Variants in ACSL6 observed in about 807,000 individuals in gnomAD.
ACSL6 encodes the protein long-chain-fatty-acid--CoA ligase 6.
Under a neutral mutation model 98.2 loss-of-function variants are expected in ACSL6, and 47 were observed. The ratio of observed to expected loss-of-function variants is 0.48; its 90% CI spans 0.38 to 0.61. ACSL6 has a LOEUF of 0.61. Among genes scored for constraint, ACSL6 ranks in the 20% least tolerant of loss-of-function variants. ACSL6 has a pLI of 0.00. For missense variants in ACSL6, 761 were observed against 913.4 expected, an observed-to-expected ratio of 0.83 and a Z score of 2.15; for synonymous variants, 362 against 336.9, an observed-to-expected ratio of 1.07 and a Z score of -0.82.
At chr5:131,975,578 C>T (rs1580653275) in intron 10 of ACSL6, 1 of 983,158 alleles carries the variant, frequency 1.0e-6, no homozygotes, top group Non-Finnish European at 1.2e-6. Flanking sequence ...ACCCCAAACA[C>T]TGGCTGAGCC....
chr5:131,986,423 A>C (rs1417566444), intron 8 of ACSL6, among the ~76,000 whole-genome samples: 1 of 152,256 alleles, frequency 6.6e-6, no homozygotes, highest in Admixed American at 6.5e-5. Context: ...AACAGTTCAC[A>C]AAGCAAAGAT....
chr5:131,967,472 T>C (rs1753073752), intron 16 of ACSL6, among the ~76,000 whole-genome samples: 2 of 150,542 alleles, frequency 1.3e-5, no homozygotes, highest in East Asian at 1.9e-4. Context: ...GACCATCCTG[T>C]CTAACACGGT....
At position 131,951,921 on chromosome 5, in the gene ACSL6, T is replaced by G. The variant is rs1752184180; in HGVS notation, c.*2313A>C. 5.8e-6 allele frequency: 1 copy of G among 171,468 alleles called. No individual in the cohort carries two copies. Among genetic ancestry groups the G allele is most frequent in the Admixed American group, 6.4e-5 (1 of 15,688 alleles). The allele number at this position is 171,468 out of a possible 1,614,324, so 10.6% of individuals were successfully genotyped here. A position where few individuals can be genotyped will look rare whatever the true frequency, so the allele number is the denominator to read the frequency against. ...AAATATTAAGTTGTCCATAATCTGTTATATCTAACTATTATAAAGTATAAA... is the reference window on the plus strand; with the variant it reads ...AAATATTAAGTTGTCCATAATCTGTGATATCTAACTATTATAAAGTATAAA... On this transcript the variant is annotated 3_prime_UTR_variant, in exon 21 of 21. Coordinates refer to ENST00000651883, the MANE Select transcript of ACSL6 (RefSeq NM_001009185.3).
intron 11 of ACSL6, among the ~76,000 whole-genome samples, chr5:131,974,249 A>G (rs1753485592): frequency 1.3e-5 from 2 of 152,104 alleles, no homozygotes; most frequent in Non-Finnish European, 2.9e-5. Flanking sequence ...CTCCATAATC[A>G]CATATGGATT....
At chr5:131,992,224 C>T (rs1013198994) in intron 2 of ACSL6, among the ~76,000 whole-genome samples, 4 of 152,136 alleles carry the variant, frequency 2.6e-5, no homozygotes, top group African/African-American at 9.7e-5. Context: ...AGCTCCAGAT[C>T]GCAATGGTTG....
Position 131,986,956 on chromosome 5 carries a change from T to TACACAC in ACSL6, c.832-108_832-103dup, listed in dbSNP as rs1420496974. On this transcript the variant is annotated intron_variant, in intron 7 of 20. Coordinates refer to ENST00000651883, the MANE Select transcript of ACSL6 (RefSeq NM_001009185.3). ...TTTCTCTCACACACGCACATACACA[T>TACACAC]ACACACACACACATACCCACACACT... 3.5e-5 allele frequency: 37 copies of TACACAC among 1,066,590 alleles called. No individual in the cohort carries two copies. The African/African-American group carries it at 5.2e-4, about 15-fold the overall frequency. The allele number at this position is 1,066,590 out of a possible 1,614,324, so 66.1% of individuals were successfully genotyped here.
intron 7 of ACSL6, 96 bp from the exon 8 acceptor site, chr5:131,986,950 TACACATAC>T: frequency 8.3e-7 from 1 of 1,205,322 alleles, no homozygotes; most frequent in Non-Finnish European, 1.2e-6. Context: ...CACACGCACA[TACACATAC>T]ACACACACAC....
chr5:132,002,626 G>T (rs1396813123), intron 1 of ACSL6, among the ~76,000 whole-genome samples: 1 of 152,196 alleles, frequency 6.6e-6, no homozygotes, highest in African/African-American at 2.4e-5. Context: ...GACAGAACCT[G>T]AGACATCCTT....
At chr5:131,959,323 T>C (rs143007481) in intron 20 of ACSL6, among the ~76,000 whole-genome samples, 44 of 152,362 alleles carry the variant, frequency 2.9e-4, no homozygotes, top group Non-Finnish European at 6.0e-4. Flanking sequence ...TGAAAGTTTG[T>C]AATTATAAGG....
chr5:131,967,271 C>T (rs1753059327), intron 16 of ACSL6, among the ~76,000 whole-genome samples: 1 of 152,028 alleles, frequency 6.6e-6, no homozygotes, highest in Non-Finnish European at 1.5e-5. Context: ...TGCTTGAGCC[C>T]AGGAGTTCGA....
At chr5:132,005,597 A>T (rs1755360888) in intron 1 of ACSL6, among the ~76,000 whole-genome samples, 1 of 152,174 alleles carries the variant, frequency 6.6e-6, no homozygotes, top group Non-Finnish European at 1.5e-5. Context: ...TCTCCCAGTG[A>T]CATTTCTGCC....
intron 15 of ACSL6, among the ~76,000 whole-genome samples, chr5:131,968,390 G>C (rs745806978): frequency 6.6e-6 from 1 of 152,206 alleles, no homozygotes; most frequent in Non-Finnish European, 1.5e-5. Flanking sequence ...CCCATTGTCA[G>C]ATCACACGTC....
intron 2 of ACSL6, among the ~76,000 whole-genome samples, chr5:131,991,431 T>C (rs1448446617): frequency 6.6e-6 from 1 of 152,190 alleles, no homozygotes; most frequent in African/African-American, 2.4e-5. Flanking sequence ...TGGTGTTAGC[T>C]AAGAAGGCTG....
intron 1 of ACSL6, among the ~76,000 whole-genome samples, chr5:132,007,691 C>T (rs1347470814): frequency 1.3e-5 from 2 of 152,192 alleles, no homozygotes; most frequent in Non-Finnish European, 2.9e-5. Context: ...CTCAGTGAAA[C>T]AACAGCCAAG....
rs1754662645 is a variant in ACSL6 at position 131,994,038 on chromosome 5, T to G, written c.263A>C (p.Glu88Ala). 6 of 1,613,556 alleles carry G rather than the reference T, an allele frequency of 3.7e-6. No homozygotes were observed. The Admixed American group carries it at 5.0e-5, about 13-fold the overall frequency. The change falls in exon 2 of 21, where the codon GAA (glutamate) becomes GCA (alanine). Residue 88 changes from glutamate to alanine, a missense_variant. By Grantham distance (107) the Glu-to-Ala change is moderately radical. Transcript: ENST00000651883. ...GTCTCCTATCCTGCTCACCTCTACTTCTTCTGACTGCATCAGGAGGTTGCA... is the reference window on the plus strand; with the variant it reads ...GTCTCCTATCCTGCTCACCTCTACTGCTTCTGACTGCATCAGGAGGTTGCA... Reference protein sequence around the residue: ...PPCNLLMQSEEVEDSGGARRS... With the variant: ...PPCNLLMQSEAVEDSGGARRS...
At chr5:131,985,378 T>C (rs767373043) in intron 9 of ACSL6, 29 bp downstream of exon 9, 5 of 1,613,902 alleles carry the variant, frequency 3.1e-6, no homozygotes, top group Non-Finnish European at 4.2e-6. Flanking sequence ...CAGGTAGCCA[T>C]GGCTGGGGAT....
At chr5:131,961,971 T>C (rs1046832335) in intron 18 of ACSL6, among the ~76,000 whole-genome samples, 1 of 150,448 alleles carries the variant, frequency 6.6e-6, no homozygotes, top group Non-Finnish European at 1.5e-5. Flanking sequence ...AGCTCAGGAG[T>C]TCGAGACTAG....
At chr5:131,975,313 T>C (rs1753559784) in intron 10 of ACSL6, 1 of 985,038 alleles carries the variant, frequency 1.0e-6, no homozygotes, top group Non-Finnish European at 1.2e-6. Context: ...CGCAGGGAAG[T>C]CTCCTCTCTG....
intron 3 of ACSL6, 66 bp downstream of exon 3, chr5:131,990,787 C>T: frequency 1.4e-6 from 2 of 1,471,024 alleles, no homozygotes; most frequent in Non-Finnish European, 9.5e-7. Context: ...CTTGCATACC[C>T]ACCCTTGCAC....
Sources: gnomAD v4.1 joint callset for allele counts (sites outside exome capture counted in the v4.1 genomes callset) on GRCh38, gnomAD v4.1.1 for gene constraint, MANE v1.5 for transcripts, NCBI Gene and HGNC (gene_info 2026-07-23, HGNC 2026-07-21) for gene names.